The following ADAMTS2 variants were observed in gnomAD, a reference collection of about 807,000 sequenced individuals.
ADAMTS2 encodes ADAM metallopeptidase with thrombospondin type 1 motif 2.
A neutral mutation model predicts 123.0 loss-of-function variants in ADAMTS2; 50 were observed. The ratio of observed to expected loss-of-function variants is 0.41; its 90% confidence interval spans 0.32 to 0.51. The LOEUF is 0.51. Ranked by LOEUF, ADAMTS2 falls within the 20% of genes least tolerant of loss-of-function variation. The pLI, the probability that ADAMTS2 is intolerant of heterozygous loss-of-function variation, is 0.35. For missense variants in ADAMTS2, 1,494 were observed against 1,705.2 expected (o/e 0.88, Z 2.18); for synonymous variants, 678 against 695.4 (o/e 0.98, Z 0.39).
At position 179,162,713 on chromosome 5, in the gene ADAMTS2, C is replaced by T. The variant is rs1234787618; in HGVS notation, c.976-3834G>A. ...AGTCCCGCCTACCGCAGGGCATGGACATTAAGAGACTGGGTCACTGGCGGC... is the reference window on the plus strand; with the variant it reads ...AGTCCCGCCTACCGCAGGGCATGGATATTAAGAGACTGGGTCACTGGCGGC... On this transcript the variant is annotated intron_variant, in intron 5 of 21. Coordinates refer to ENST00000251582, the MANE Select transcript of ADAMTS2 (RefSeq NM_014244.5). The surrounding 1 kb of genome is among the most constrained non-coding windows in gnomAD (Gnocchi z 5.1). Among the ~76,000 whole-genome samples, 3 of 152,264 alleles carry T rather than the reference C, an allele frequency of 2.0e-5. No homozygotes were observed. The highest frequency in any genetic ancestry group is 7.2e-5 in the African/African-American group (3 of 41,476).
At position 179,341,709 on chromosome 5, in the gene ADAMTS2, C is replaced by T. The variant is rs532251279; in HGVS notation, c.534+2058G>A. Among the ~76,000 whole-genome samples, 97 of 117,842 alleles carry T rather than the reference C, an allele frequency of 8.2e-4. 1 individual carries two copies. Among genetic ancestry groups the T allele is most frequent in the African/African-American group, 2.7e-3 (86 of 31,298 alleles). 77.3% of individuals were successfully genotyped at this position (117,842 alleles called of 152,430 possible). On this transcript the variant is annotated intron_variant, in intron 2 of 21. Coordinates refer to ENST00000251582, the MANE Select transcript of ADAMTS2 (RefSeq NM_014244.5). Reference sequence around the variant, plus strand: ...CAGCCTGGGTAATAGAGTGAGACTCCGTCTCAAAAAAAAAAAAAAAAAAGA... The same window carrying T: ...CAGCCTGGGTAATAGAGTGAGACTCTGTCTCAAAAAAAAAAAAAAAAAAGA...
intron 19 of ADAMTS2, among the ~76,000 whole-genome samples, chr5:179,124,215 G>A (rs1277229669): frequency 6.6e-6 from 1 of 152,110 alleles, no homozygotes; most frequent in African/African-American, 2.4e-5. Flanking sequence ...GGTGGTCTTG[G>A]GGAGCCCCTG....
intron 2 of ADAMTS2, among the ~76,000 whole-genome samples, chr5:179,282,992 G>T (rs1359445389): frequency 1.3e-5 from 2 of 152,240 alleles, no homozygotes; most frequent in East Asian, 3.9e-4. Flanking sequence ...TGCACAGAGG[G>T]ATGGCTTCAA....
At chr5:179,341,370 AAGGAAGGAAAGAG>A in intron 2 of ADAMTS2, 1 of 393,640 alleles carries the variant, frequency 2.5e-6, no homozygotes, top group Non-Finnish European at 5.0e-6. Context: ...GGAAGGAAGG[AAGGAAGGAAAGAG>A]AAGAGAAGAG....
intron 4 of ADAMTS2, among the ~76,000 whole-genome samples, chr5:179,191,155 C>T (rs1321514388): frequency 6.6e-6 from 1 of 152,234 alleles, no homozygotes; most frequent in East Asian, 1.9e-4. Flanking sequence ...CCAGTGTCCC[C>T]CAGGGGCCTC....
At position 179,242,992 on chromosome 5, in the gene ADAMTS2, TC is replaced by T. The variant is rs1258908608; in HGVS notation, c.688+29918del. Among the ~76,000 whole-genome samples, 2 of 152,036 alleles carry T rather than the reference TC, an allele frequency of 1.3e-5. No individual in the cohort carries two copies. Among genetic ancestry groups the T allele is most frequent in the Non-Finnish European group, 2.9e-5 (2 of 68,018 alleles). ...TCCAGCCTGCTTGCTAGAAAAATAT[TC>T]CATGCTAGGGGGAGGCAAACCAAGA... is the stretch of plus-strand genomic sequence containing the variant. On this transcript the variant is annotated intron_variant, in intron 3 of 21. Transcript: ENST00000251582. The surrounding 1 kb of genome is among the most constrained non-coding windows in gnomAD (Gnocchi z 4.2).
rs565619416 is a variant in ADAMTS2 at position 179,145,142 on chromosome 5, C to T, written c.1630-5107G>A. On this transcript the variant is annotated intron_variant, in intron 10 of 21. Transcript: ENST00000251582. ...AATTGCCATTAAGCACATGAAAAGA[C>T]GGTCATCATAGGTCACTAGGGAAAT... 1.1e-4 allele frequency among the ~76,000 whole-genome samples: 17 copies of T among 152,200 alleles called. No individual in the cohort carries two copies. The South Asian group carries it at 2.3e-3, about 20-fold the overall frequency.
At position 179,317,778 on chromosome 5, in the gene ADAMTS2, T is replaced by G. The variant is rs1297987416; in HGVS notation, c.534+25989A>C. Among the ~76,000 whole-genome samples the G allele has an allele frequency of 6.6e-6, 1 of 152,188 alleles. No individual in the cohort carries two copies. On this transcript the variant is annotated intron_variant, in intron 2 of 21. Transcript: ENST00000251582. This position sits in a 1 kb window ranked among gnomAD's most constrained non-coding sequence, Gnocchi z 4.9. ...CGTGCCAGCACCAGCTGAGACTCCCTGGCCAGACTCATCGCCAGCTGGGGA... is the reference window on the plus strand; with the variant it reads ...CGTGCCAGCACCAGCTGAGACTCCCGGGCCAGACTCATCGCCAGCTGGGGA...
chr5:179,211,102 C>T (rs1764840856), intron 3 of ADAMTS2, among the ~76,000 whole-genome samples: 1 of 152,248 alleles, frequency 6.6e-6, no homozygotes, highest in South Asian at 2.1e-4. Context: ...CCTGGTCTAA[C>T]AGCCCCTGTT....
In ADAMTS2 at chr5:179,115,879, G is replaced by C. The variant is rs1365101710; in HGVS notation, c.3179-1555C>G. ...CTGCTTCTTAATGGCCACTGCTCCA[G>C]CCTGTAATTTTCCCTTAGAAGCTGG... On this transcript the variant is annotated intron_variant, in intron 21 of 21. Coordinates refer to ENST00000251582, the MANE Select transcript of ADAMTS2 (RefSeq NM_014244.5). This position sits in a 1 kb window ranked among gnomAD's most constrained non-coding sequence, Gnocchi z 4.4. Among the ~76,000 whole-genome samples, 1 of 152,114 alleles carries C rather than the reference G, an allele frequency of 6.6e-6. No individual in the cohort carries two copies. The highest frequency in any genetic ancestry group is 1.5e-5 in the Non-Finnish European group (1 of 68,024).
chr5:179,154,648 TG>T (rs1417996042), intron 7 of ADAMTS2, among the ~76,000 whole-genome samples, 165 bp downstream of exon 7: 4 of 152,272 alleles, frequency 2.6e-5, no homozygotes, highest in African/African-American at 9.6e-5. Flanking sequence ...TCAGCAAAAG[TG>T]GGCCTCGGGC....
rs7703125 is a variant in ADAMTS2 at position 179,152,375 on chromosome 5, C to T, written c.1516-120G>A. 7,338 of 936,792 alleles carry T rather than the reference C, an allele frequency of 7.8e-3. 366 individuals carry two copies. The African/African-American group carries it at 0.11, about 13-fold the overall frequency. The allele number at this position is 936,792 out of a possible 1,614,324, so 58.0% of individuals were successfully genotyped here. ...CAGTGGGACTGGCCCATGATGGGCC[C>T]GTGAGGCTGGTGGGTGTTGTGATTC... is the stretch of plus-strand genomic sequence containing the variant. On this transcript the variant is annotated intron_variant, in intron 9 of 21. Transcript: ENST00000251582.
At chr5:179,286,753 C>T (rs1015481180) in intron 2 of ADAMTS2, among the ~76,000 whole-genome samples, 2 of 152,160 alleles carry the variant, frequency 1.3e-5, no homozygotes, top group Admixed American at 1.3e-4. Flanking sequence ...ATAGCAGAAC[C>T]TATTCTCTCA....
intron 10 of ADAMTS2, among the ~76,000 whole-genome samples, chr5:179,146,187 T>A (rs1442586100): frequency 6.6e-6 from 1 of 152,072 alleles, no homozygotes; most frequent in Admixed American, 6.6e-5. Context: ...TAAATATAGA[T>A]CTCACCTTAT....
At chr5:179,124,676 C>T (rs534694867) in intron 19 of ADAMTS2, among the ~76,000 whole-genome samples, 12 of 152,248 alleles carry the variant, frequency 7.9e-5, no homozygotes, top group Admixed American at 3.9e-4. Context: ...TCCAGGCCCA[C>T]GGGCCGAAAG....
intron 11 of ADAMTS2, 35 bp downstream of exon 11, chr5:179,139,855 C>T: frequency 6.2e-7 from 1 of 1,610,592 alleles, no homozygotes; most frequent in Non-Finnish European, 8.5e-7. Context: ...TCAGCTGCCA[C>T]TCAGCAAGGC....
In ADAMTS2 at chr5:179,153,448, C is replaced by G. The variant is rs200031464; in HGVS notation, c.1515+43G>C. On this transcript the variant is annotated intron_variant, in intron 9 of 21. Coordinates refer to ENST00000251582, the MANE Select transcript of ADAMTS2 (RefSeq NM_014244.5). ...GCTGCCCCTACACCAGCACGCCTCCCCCCAGACCTGGGAGGGTCCCGGCTG... is the reference window on the plus strand; with the variant it reads ...GCTGCCCCTACACCAGCACGCCTCCGCCCAGACCTGGGAGGGTCCCGGCTG... 2.5e-6 allele frequency: 4 copies of G among 1,601,380 alleles called. No individual in the cohort carries two copies. In the Admixed American group the frequency reaches 6.7e-5, roughly 27 times the overall value.
At chr5:179,252,009 C>CTT (rs200457965) in intron 3 of ADAMTS2, among the ~76,000 whole-genome samples, 29 of 135,720 alleles carry the variant, frequency 2.1e-4, no homozygotes, top group African/African-American at 2.7e-4. Context: ...TTTTTCTTTT[C>CTT]TTTTTTTTTT....
chr5:179,319,634 G>A (rs925301701), intron 2 of ADAMTS2, among the ~76,000 whole-genome samples: 10 of 151,852 alleles, frequency 6.6e-5, no homozygotes, highest in Admixed American at 5.3e-4. Flanking sequence ...TGTTTATTTG[G>A]CCTTTTGCTT....
Sources: gnomAD v4.1 joint callset for allele counts (sites outside exome capture counted in the v4.1 genomes callset) on GRCh38, gnomAD v4.1.1 for gene constraint, Gnocchi (gnomAD v3.1) non-coding constraint, MANE v1.5 for transcripts, NCBI Gene and HGNC (gene_info 2026-07-23, HGNC 2026-07-21) for gene names.